SEPTIN14: variants seen among roughly 807,000 people sequenced by gnomAD.
SEPTIN14 encodes the protein septin-14.
A neutral mutation model predicts 53.6 loss-of-function variants in SEPTIN14; 40 were observed. That is an observed-to-expected ratio of 0.75 (90% CI 0.58 to 0.97). SEPTIN14 has a LOEUF of 0.97. SEPTIN14 is among the 50% of genes least tolerant of loss of function. The pLI, the probability that SEPTIN14 is intolerant of heterozygous loss-of-function variation, is 0.00. For synonymous variants in SEPTIN14, 138 were observed against 166.8 expected (o/e 0.83, Z 1.33); for missense variants, 471 against 508.2 (o/e 0.93, Z 0.70).
chr7:55,857,937 T>G (rs867667278), intron 2 of SEPTIN14, among the ~76,000 whole-genome samples: 2 of 152,180 alleles, frequency 1.3e-5, no homozygotes, highest in African/African-American at 2.4e-5. Flanking sequence ...CCTTGAAAAC[T>G]TTTTCTCCTT....
chr7:55,861,969 T>G lies in SEPTIN14; in HGVS notation c.28A>C (p.Thr10Pro). 6.3e-7 allele frequency: 1 copy of G among 1,585,020 alleles called. No individual in the cohort carries two copies. Among genetic ancestry groups the G allele is most frequent in the Non-Finnish European group, 8.6e-7 (1 of 1,169,004 alleles). ...GTATCTCCATCAGCAGGTATTTGTG[T>G]GGGCATAGCCATTGTTCTTTCTGCC... The part of the protein sequence containing the change: MAERTMAMP[T>P]QIPADGDTQK... The change falls in exon 2 of 10, where the codon ACA becomes CCA. Residue 10 changes from threonine (T) to proline (P), a missense_variant. Physicochemically the swap from Thr to Pro is conservative, Grantham distance 38. Coordinates refer to ENST00000388975, the MANE Select transcript of SEPTIN14 (RefSeq NM_207366.3).
intron 9 of SEPTIN14, among the ~76,000 whole-genome samples, chr7:55,799,601 C>T (rs986970321): frequency 1.3e-5 from 2 of 149,032 alleles, no homozygotes; most frequent in East Asian, 3.9e-4. Flanking sequence ...GGCAGGTATA[C>T]TTATTGCAGA....
At chr7:55,815,713 A>T (rs1256695027) in intron 7 of SEPTIN14, among the ~76,000 whole-genome samples, 1 of 152,196 alleles carries the variant, frequency 6.6e-6, no homozygotes, top group Non-Finnish European at 1.5e-5. Flanking sequence ...GCTGGTGAGG[A>T]TGTGGAGAAA....
At chr7:55,825,279 T>C (rs1317962678) in intron 6 of SEPTIN14, among the ~76,000 whole-genome samples, 1 of 152,176 alleles carries the variant, frequency 6.6e-6, no homozygotes, top group Admixed American at 6.5e-5. Flanking sequence ...AACTATGTGA[T>C]ATTCCCAAAA....
chr7:55,834,937 GC>G (rs1789178247), intron 5 of SEPTIN14, among the ~76,000 whole-genome samples: 1 of 152,116 alleles, frequency 6.6e-6, no homozygotes. Context: ...GAGCCACTGC[GC>G]CCAGCCATCC....
intron 5 of SEPTIN14, among the ~76,000 whole-genome samples, chr7:55,834,880 C>T (rs1361587779): frequency 6.6e-6 from 1 of 152,084 alleles, no homozygotes; most frequent in Non-Finnish European, 1.5e-5. Context: ...CTCCTGACCT[C>T]GTGATCCGCC....
intron 2 of SEPTIN14, among the ~76,000 whole-genome samples, chr7:55,853,316 G>A (rs1789551806): frequency 6.6e-6 from 1 of 152,148 alleles, no homozygotes; most frequent in African/African-American, 2.4e-5. Context: ...AGAAAATGTG[G>A]TACATATACA....
chr7:55,845,731 T>C (rs566792325), intron 3 of SEPTIN14, among the ~76,000 whole-genome samples: 2 of 152,004 alleles, frequency 1.3e-5, no homozygotes, highest in South Asian at 4.2e-4. Flanking sequence ...TCTCAAATAC[T>C]TCAAAGACTG....
intron 7 of SEPTIN14, among the ~76,000 whole-genome samples, chr7:55,807,908 T>C (rs1788636381): frequency 6.6e-6 from 1 of 151,968 alleles, no homozygotes; most frequent in African/African-American, 2.4e-5. Flanking sequence ...TAAAATGATA[T>C]AAAGAAGGTC....
At chr7:55,853,072 C>A (rs535049677) in intron 2 of SEPTIN14, among the ~76,000 whole-genome samples, 2 of 152,234 alleles carry the variant, frequency 1.3e-5, no homozygotes, top group South Asian at 4.2e-4. Context: ...AAAAAGAGAA[C>A]CCTCTTACAC....
At chr7:55,800,370 T>C (rs1019894792) in intron 9 of SEPTIN14, among the ~76,000 whole-genome samples, 2 of 152,172 alleles carry the variant, frequency 1.3e-5, no homozygotes, top group Admixed American at 6.6e-5. Flanking sequence ...ACACCTGTAA[T>C]CCCAGCACTT....
intron 6 of SEPTIN14, among the ~76,000 whole-genome samples, chr7:55,830,321 G>T (rs1789078435): frequency 1.2e-5 from 1 of 84,730 alleles, no homozygotes; most frequent in Non-Finnish European, 2.0e-5. Context: ...TTATCCAACT[G>T]TATATATATA....
chr7:55,858,947 A>G (rs1244632535), intron 2 of SEPTIN14, among the ~76,000 whole-genome samples: 1 of 152,096 alleles, frequency 6.6e-6, no homozygotes, highest in East Asian at 1.9e-4. Flanking sequence ...CATAAAATCT[A>G]CTTATCTCAG....
chr7:55,830,071 A>C (rs1411097226), intron 6 of SEPTIN14, among the ~76,000 whole-genome samples: 1 of 149,022 alleles, frequency 6.7e-6, no homozygotes, highest in Non-Finnish European at 1.5e-5. Flanking sequence ...CCAGCTACTC[A>C]GGAGGCTGAG....
intron 7 of SEPTIN14, among the ~76,000 whole-genome samples, chr7:55,817,419 G>T (rs184915997): frequency 6.6e-6 from 1 of 151,360 alleles, no homozygotes; most frequent in Non-Finnish European, 1.5e-5. Flanking sequence ...AAGTTAAAGA[G>T]ATCTATTGTA....
At chr7:55,796,414 C>A (rs1788433337) in intron 9 of SEPTIN14, among the ~76,000 whole-genome samples, 1 of 152,088 alleles carries the variant, frequency 6.6e-6, no homozygotes, top group Admixed American at 6.5e-5. Flanking sequence ...AGGCATGCAC[C>A]ACCATGCCCA....
At chr7:55,814,994 C>T (rs752907271) in intron 7 of SEPTIN14, among the ~76,000 whole-genome samples, 1 of 152,010 alleles carries the variant, frequency 6.6e-6, no homozygotes, top group African/African-American at 2.4e-5. Flanking sequence ...ATCCACACAG[C>T]CACAGAGAAC....
At chr7:55,846,437 A>G (rs1199766461) in intron 3 of SEPTIN14, 80 bp downstream of exon 3, 9 of 1,009,802 alleles carry the variant, frequency 8.9e-6, no homozygotes, top group Non-Finnish European at 8.8e-6. Context: ...AATAGCATCA[A>G]TGTTACACTG....
At chr7:55,826,464 A>G (rs1182187866) in intron 6 of SEPTIN14, among the ~76,000 whole-genome samples, 3 of 152,180 alleles carry the variant, frequency 2.0e-5, no homozygotes, top group Admixed American at 2.0e-4. Context: ...AAAGAGAAAG[A>G]CCAAAAGGAA....
Sources: allele counts gnomAD v4.1 joint callset (sites outside exome capture counted in the v4.1 genomes callset), GRCh38; gene constraint gnomAD v4.1.1; transcripts MANE v1.5; gene names NCBI Gene and HGNC (gene_info 2026-07-23, HGNC 2026-07-21).